The following TNFAIP8L3 variants were observed in gnomAD, a reference collection of about 807,000 sequenced individuals.
TNFAIP8L3 encodes tumor necrosis factor alpha-induced protein 8-like protein 3.
A neutral mutation model predicts 11.8 loss-of-function variants in TNFAIP8L3; 7 were observed. The observed-to-expected ratio is 0.59, with a 90% CI of 0.34 to 1.11. The LOEUF (loss-of-function observed/expected upper bound fraction) is 1.11. Ranked by LOEUF, TNFAIP8L3 falls within the 50% of genes most tolerant of loss-of-function variation. TNFAIP8L3 has a pLI of 0.03. For synonymous variants in TNFAIP8L3, 98 were observed against 103.8 expected, an observed-to-expected ratio of 0.94 and a Z score of 0.34; for missense variants, 219 against 258.6, an observed-to-expected ratio of 0.85 and a Z score of 1.05.
chr15:51,081,927 T>C lies in TNFAIP8L3; in HGVS notation c.52+12617A>G, dbSNP rs142557599. On this transcript the variant is annotated intron_variant, in intron 1 of 1. Coordinates refer to ENST00000637513, the MANE Select transcript of TNFAIP8L3 (RefSeq NM_001311175.2). ...TCTCTTATTCCCTGATCTCTCCTTT[T>C]AAAATCACAGTGGTCATAGTCACTC... 1.9e-3 allele frequency among the ~76,000 whole-genome samples: 288 copies of C among 152,282 alleles called. 1 individual carries two copies. Among genetic ancestry groups the C allele is most frequent in the African/African-American group, 6.8e-3 (282 of 41,564 alleles).
intron 1 of TNFAIP8L3, among the ~76,000 whole-genome samples, chr15:51,092,551 G>A (rs564345203): frequency 3.3e-5 from 5 of 152,328 alleles, no homozygotes; most frequent in Admixed American, 3.3e-4. Flanking sequence ...CATGTTCAAC[G>A]TGTGAGATTC....
chr15:51,071,271 T>C (rs1398736758), intron 1 of TNFAIP8L3, among the ~76,000 whole-genome samples: 7 of 152,034 alleles, frequency 4.6e-5, no homozygotes, highest in Admixed American at 6.6e-5. Context: ...TAGAACATAA[T>C]TTAACAAACA....
chr15:51,068,660 G>GTTTT (rs113982459), intron 1 of TNFAIP8L3, among the ~76,000 whole-genome samples: 7 of 116,380 alleles, frequency 6.0e-5, no homozygotes, highest in South Asian at 2.7e-4. Context: ...CACCCCTCCT[G>GTTTT]TTTTTTTTTT....
rs370519434 is a variant in TNFAIP8L3, at chr15:51,058,142, G to C, written c.354C>G (p.Thr118=). 6.2e-7 allele frequency: 1 copy of C among 1,614,226 alleles called. No homozygotes were observed. The highest frequency in any genetic ancestry group is 8.5e-7 in the Non-Finnish European group (1 of 1,180,050). The change falls in exon 2 of 2, where the codon ACC becomes ACG. Residue 118 remains threonine (T), a synonymous_variant. Transcript: ENST00000637513. ...FRKKLNQTAM[T]IVSFYEVEYT... ...ATTCCACCTCATAGAAGCTGACAAT[G>C]GTCATGGCGGTCTGGTTCAGCTTCT...
At chr15:51,061,147 T>G (rs989168726) in intron 1 of TNFAIP8L3, among the ~76,000 whole-genome samples, 3 of 152,108 alleles carry the variant, frequency 2.0e-5, no homozygotes, top group African/African-American at 7.2e-5. Context: ...AAAATAATAA[T>G]TAATTCAATT....
intron 1 of TNFAIP8L3, among the ~76,000 whole-genome samples, chr15:51,079,928 A>G (rs950738060): frequency 2.0e-5 from 3 of 152,006 alleles, no homozygotes; most frequent in South Asian, 4.2e-4. Flanking sequence ...GGCTTATAAC[A>G]TGATGTAGCA....
chr15:51,059,358 TA>T (rs1164737976), intron 1 of TNFAIP8L3, among the ~76,000 whole-genome samples: 1 of 152,250 alleles, frequency 6.6e-6, no homozygotes, highest in Non-Finnish European at 1.5e-5. Flanking sequence ...TCAATAAGTA[TA>T]AATAAAAATT....
intron 1 of TNFAIP8L3, among the ~76,000 whole-genome samples, chr15:51,091,061 C>T (rs1028428678): frequency 6.6e-6 from 1 of 152,056 alleles, no homozygotes. Flanking sequence ...GAAAGAGTGC[C>T]AAGTTGGGTC....
chr15:51,068,296 C>A (rs1372183377), intron 1 of TNFAIP8L3, among the ~76,000 whole-genome samples: 3 of 152,060 alleles, frequency 2.0e-5, no homozygotes, highest in Non-Finnish European at 4.4e-5. Flanking sequence ...GAGGAGGAGC[C>A]AGCCTGTAGG....
At chr15:51,074,959 G>A (rs1026409737) in intron 1 of TNFAIP8L3, among the ~76,000 whole-genome samples, 5 of 152,156 alleles carry the variant, frequency 3.3e-5, no homozygotes, top group East Asian at 1.9e-4. Context: ...TCTACTTTCC[G>A]CATCCGGTGC....
At chr15:51,103,154 C>A (rs774273844) in intron 1 of TNFAIP8L3, among the ~76,000 whole-genome samples, 1 of 152,184 alleles carries the variant, frequency 6.6e-6, no homozygotes, top group Non-Finnish European at 1.5e-5. Flanking sequence ...TCCCTCCCTT[C>A]GGTGTTCAAA....
In TNFAIP8L3 at chr15:51,093,130, C is replaced by T. The variant is rs141626458; in HGVS notation, c.52+1414G>A. Among the ~76,000 whole-genome samples, 15 of 152,352 alleles carry T rather than the reference C, an allele frequency of 9.8e-5. No individual in the cohort carries two copies. The East Asian group carries it at 2.7e-3, about 27-fold the overall frequency. ...TCTCAGCACTTTATAGTCACAGAAA[C>T]ATACAGGCATGCAAAGGGCTCATGT... On this transcript the variant is annotated intron_variant, in intron 1 of 1. Coordinates refer to ENST00000637513, the MANE Select transcript of TNFAIP8L3 (RefSeq NM_001311175.2).
At chr15:51,081,641 A>T (rs530526968) in intron 1 of TNFAIP8L3, among the ~76,000 whole-genome samples, 2 of 152,314 alleles carry the variant, frequency 1.3e-5, no homozygotes, top group African/African-American at 4.8e-5. Flanking sequence ...GCTACTTTTT[A>T]CATAGTTTGT....
chr15:51,072,212 C>T (rs112822621), intron 1 of TNFAIP8L3, among the ~76,000 whole-genome samples: 4,988 of 152,228 alleles, frequency 0.033, 80 homozygotes, highest in Non-Finnish European at 0.038. Context: ...ACGATCTCGG[C>T]TCACCGCAAC....
At chr15:51,081,663 A>G (rs2065393255) in intron 1 of TNFAIP8L3, among the ~76,000 whole-genome samples, 1 of 152,370 alleles carries the variant, frequency 6.6e-6, no homozygotes, top group East Asian at 1.9e-4. Context: ...TTTTAACAAC[A>G]ACACAACAGA....
chr15:51,077,826 T>A (rs1355354541), intron 1 of TNFAIP8L3, among the ~76,000 whole-genome samples: 3 of 152,148 alleles, frequency 2.0e-5, no homozygotes, highest in Admixed American at 6.5e-5. Flanking sequence ...CCAGCTCGAG[T>A]GTGCTGGCCT....
intron 1 of TNFAIP8L3, among the ~76,000 whole-genome samples, chr15:51,062,328 C>A (rs995393414): frequency 1.1e-4 from 16 of 151,994 alleles, no homozygotes; most frequent in African/African-American, 3.9e-4. Flanking sequence ...ATTAGCCAGG[C>A]ATGCACCTGT....
Position 51,094,564 on chromosome 15 carries a change from C to T in TNFAIP8L3, c.32G>A (p.Gly11Asp), listed in dbSNP as rs761418747. MDSDSGEQSEGEPVTAAGPDV... is the reference protein window; with the variant it reads MDSDSGEQSEDEPVTAAGPDV... ...GGTACCTGCGGCGGTCACGGGCTCG[C>T]CCTCGCTCTGCTCCCCGGAATCCGA... The change falls in exon 1 of 2, where the codon GGC (glycine) becomes GAC (aspartate). Residue 11 changes from glycine to aspartate, a missense_variant. Transcript: ENST00000637513. This position sits in a 1 kb window ranked among gnomAD's most constrained non-coding sequence, Gnocchi z 4.4. 4.0e-6 allele frequency: 6 copies of T among 1,503,436 alleles called. No individual in the cohort carries two copies. In the South Asian group the frequency reaches 7.3e-5, roughly 18 times the overall value. The allele number at this position is 1,503,436 out of a possible 1,614,324, so 93.1% of individuals were successfully genotyped here.
chr15:51,104,742 T>A (rs1205900219), intron 1 of TNFAIP8L3, among the ~76,000 whole-genome samples: 1 of 152,226 alleles, frequency 6.6e-6, no homozygotes, highest in Non-Finnish European at 1.5e-5. Flanking sequence ...TGCCCTTGTG[T>A]TCCTGGAACC....
Sources: gnomAD v4.1 joint callset for allele counts (sites outside exome capture counted in the v4.1 genomes callset) on GRCh38, gnomAD v4.1.1 for gene constraint, Gnocchi (gnomAD v3.1) non-coding constraint, MANE v1.5 for transcripts, NCBI Gene and HGNC (gene_info 2026-07-23, HGNC 2026-07-21) for gene names.